The following UTP14C variants were observed in gnomAD, a reference collection of about 807,000 sequenced individuals.
The protein encoded by UTP14C is UTP14C small subunit processome component.
UTP14C carries 10 observed loss-of-function variants against 14.6 expected under a neutral mutation model. That is an observed-to-expected ratio of 0.68 (90% CI 0.42 to 1.16). The LOEUF (loss-of-function observed/expected upper bound fraction) is 1.16. UTP14C is among the 50% of genes most tolerant of loss of function. The pLI is 0.00. For synonymous variants in UTP14C, 315 were observed against 331.6 expected (o/e 0.95, Z 0.54); for missense variants, 818 against 890.8 (o/e 0.92, Z 1.04).
At chr13:52,025,982 G>A (rs1031413712) in intron 1 of UTP14C, among the ~76,000 whole-genome samples, 7 of 152,214 alleles carry the variant, frequency 4.6e-5, no homozygotes, top group Admixed American at 3.3e-4. Flanking sequence ...TCTGCTGAGC[G>A]CTTGGGTGGA....
chr13:52,025,120 A>C (rs1954228401), intron 1 of UTP14C, among the ~76,000 whole-genome samples, 183 bp downstream of exon 1: 1 of 152,218 alleles, frequency 6.6e-6, no homozygotes, highest in Non-Finnish European at 1.5e-5. Flanking sequence ...GCTAGTATTT[A>C]TTGACCAATT....
rs1163102617 is a variant in UTP14C, at chr13:52,031,101, T to G, written c.2297T>G (p.Leu766Arg). The G allele has an allele frequency of 6.2e-7, 1 of 1,603,018 alleles. No individual in the cohort carries two copies. The highest frequency in any genetic ancestry group is 8.5e-7 in the Non-Finnish European group (1 of 1,173,898). The change falls in exon 2 of 2, where the codon CTG (leucine) becomes CGG (arginine). Residue 766 changes from leucine (L) to arginine (R), a missense_variant. Leu to Arg is a moderately radical substitution (Grantham distance 102, BLOSUM62 -2). Transcript: ENST00000521776. The part of the protein sequence containing the change: ...ITTRHNKEEK[L>R] ...ACACGTCACAATAAAGAAGAAAAAC[T>G]GTAGGTTGTGTAGCTGGAGAAGTGA...
chr13:52,031,593 G>C lies in UTP14C; in HGVS notation c.*488G>C, dbSNP rs1954306089. 5.8e-6 allele frequency: 1 copy of C among 172,916 alleles called. No individual in the cohort carries two copies. Among genetic ancestry groups the C allele is most frequent in the Non-Finnish European group, 1.4e-5 (1 of 71,432 alleles). The allele number at this position is 172,916 out of a possible 1,614,324, so 10.7% of individuals were successfully genotyped here. A position where few individuals can be genotyped will look rare whatever the true frequency, so the allele number is the denominator to read the frequency against. ...CTTAACAGTGCCGCATCTCAGCCTGGAAGTCAGCTTTAAGTCATTCAAGAG... is the reference window on the plus strand; with the variant it reads ...CTTAACAGTGCCGCATCTCAGCCTGCAAGTCAGCTTTAAGTCATTCAAGAG... On this transcript the variant is annotated 3_prime_UTR_variant, in exon 2 of 2. Coordinates refer to ENST00000521776, the MANE Select transcript of UTP14C (RefSeq NM_021645.6).
chr13:52,026,106 G>A (rs534229780), intron 1 of UTP14C, among the ~76,000 whole-genome samples: 2 of 152,338 alleles, frequency 1.3e-5, no homozygotes, highest in East Asian at 3.9e-4. Context: ...CCGTGTGCCA[G>A]GTGCTATGCT....
At chr13:52,028,291 A>G in intron 1 of UTP14C, 28 bp from the exon 2 acceptor site, 1 of 1,614,050 alleles carries the variant, frequency 6.2e-7, no homozygotes, top group Non-Finnish European at 8.5e-7. Flanking sequence ...AACTTAAAAG[A>G]TTACATGATT....
At chr13:52,026,252 G>T (rs980074656) in intron 1 of UTP14C, among the ~76,000 whole-genome samples, 3 of 152,230 alleles carry the variant, frequency 2.0e-5, no homozygotes, top group African/African-American at 7.2e-5. Flanking sequence ...GGAGAGAGGG[G>T]AGAGTCTCCA....
At position 52,028,393 on chromosome 13, in the gene UTP14C, GTTCCTCACGAAGGAGATATA is replaced by G; in HGVS notation, c.-411_-392del. ...GGGGGGCCCAAAGCTTGACATTGTG[GTTCCTCACGAAGGAGATATA>G]ACTGGCTTTCTGGCTGAGAGTGAAG... On this transcript the variant is annotated 5_prime_UTR_variant, in exon 2 of 2. An upstream open reading frame in the 5' UTR gains an earlier in-frame stop. Coordinates refer to ENST00000521776, the MANE Select transcript of UTP14C (RefSeq NM_021645.6). The G allele has an allele frequency of 6.2e-7, 1 of 1,614,152 alleles. No individual in the cohort carries two copies. Among genetic ancestry groups the G allele is most frequent in the Non-Finnish European group, 8.5e-7 (1 of 1,180,028 alleles).
Position 52,028,911 on chromosome 13 carries a change from G to A in UTP14C, c.107G>A (p.Ser36Asn). The change falls in exon 2 of 2, where the codon AGT becomes AAT. Residue 36 changes from serine (S) to asparagine (N), a missense_variant. Physicochemically the swap from Ser to Asn is conservative, Grantham distance 46. Transcript: ENST00000521776. ...AGTGAAAATGAAGATGAGGGGGACA[G>A]TGATGGAGAGAGAAAGCATCAAAAG... ...PLSENEDEGDSDGERKHQKLL... is the reference protein window; with the variant it reads ...PLSENEDEGDNDGERKHQKLL... 1.9e-6 allele frequency: 3 copies of A among 1,614,256 alleles called. No individual in the cohort carries two copies. In the South Asian group the frequency reaches 3.3e-5, roughly 18 times the overall value.
In UTP14C at chr13:52,029,913, C is replaced by G. The variant is rs1373260811; in HGVS notation, c.1109C>G (p.Pro370Arg). The G allele has an allele frequency of 6.2e-7, 1 of 1,613,992 alleles. No homozygotes were observed. The highest frequency in any genetic ancestry group is 1.7e-5 in the Admixed American group (1 of 59,986). Residue 370 changes from proline (P) to arginine (R), a missense_variant, in exon 2 of 2, where the codon CCG becomes CGG. By Grantham distance (103) the Pro-to-Arg change is moderately radical. Transcript: ENST00000521776. ...ANEVQMNVDG[P>R]NPWMFRSCTS... ...GAAGTGCAGATGAATGTGGACGGAC[C>G]GAATCCCTGGATGTTCAGGAGCTGC...
Position 52,029,351 on chromosome 13 carries a change from CTGGAGCAGGAAA to C in UTP14C, c.549_560del (p.Glu184_Ile187del). 1 of 1,614,122 alleles carries C rather than the reference CTGGAGCAGGAAA, an allele frequency of 6.2e-7. No homozygotes were observed. Among genetic ancestry groups the C allele is most frequent in the Non-Finnish European group, 8.5e-7 (1 of 1,180,018 alleles). ...CAGTGGCTGGAAGGCAAGAACTCCCCTGGAGCAGGAAATTTTTAACCTCCTCCATAAGAACAA... is the reference window on the plus strand; with the variant it reads ...CAGTGGCTGGAAGGCAAGAACTCCCCTTTTTAACCTCCTCCATAAGAACAA... On this transcript the variant is annotated inframe_deletion, in exon 2 of 2. Coordinates refer to ENST00000521776, the MANE Select transcript of UTP14C (RefSeq NM_021645.6).
In UTP14C at chr13:52,033,555, A is replaced by G. The variant is rs1954327684; in HGVS notation, c.*2450A>G. Reference sequence around the variant, plus strand: ...TATTCCCAAGCTCCATATGCCAATTAAAGAAGAAACAAAAATAAAAGTTTG... The same window carrying G: ...TATTCCCAAGCTCCATATGCCAATTGAAGAAGAAACAAAAATAAAAGTTTG... On this transcript the variant is annotated 3_prime_UTR_variant, in exon 2 of 2. Transcript: ENST00000521776. The G allele has an allele frequency of 6.0e-6, 1 of 167,062 alleles. No homozygotes were observed. Among genetic ancestry groups the G allele is most frequent in the Non-Finnish European group, 1.5e-5 (1 of 68,114 alleles). The allele number at this position is 167,062 out of a possible 1,614,324, so 10.3% of individuals were successfully genotyped here.
rs760414709 is a variant in UTP14C, at chr13:52,030,146, G to T, written c.1342G>T (p.Asp448Tyr). The T allele has an allele frequency of 1.9e-6, 3 of 1,614,210 alleles. No homozygotes were observed. The South Asian group carries it at 3.3e-5, about 18-fold the overall frequency. ...GCCAGCAAGCAGTCAAGAAACAAAAGATTCTAGCAGCCAGGAGGTGCTGTC... is the reference window on the plus strand; with the variant it reads ...GCCAGCAAGCAGTCAAGAAACAAAATATTCTAGCAGCCAGGAGGTGCTGTC... Reference protein sequence around the residue: ...AEPASSQETKDSSSQEVLSEL... With the variant: ...AEPASSQETKYSSSQEVLSEL... The change falls in exon 2 of 2, where the codon GAT (aspartate) becomes TAT (tyrosine). Residue 448 changes from aspartate (D) to tyrosine (Y), a missense_variant. Transcript: ENST00000521776.
rs770888492 is a variant in UTP14C, at chr13:52,028,368, G to A, written c.-437G>A. On this transcript the variant is annotated 5_prime_UTR_variant, in exon 2 of 2. Coordinates refer to ENST00000521776, the MANE Select transcript of UTP14C (RefSeq NM_021645.6). The stretch of plus-strand genomic sequence containing the variant: ...GCACAATTATCCTTGCACACAATTC[G>A]GGGGGCCCAAAGCTTGACATTGTGG... 1.1e-5 allele frequency: 18 copies of A among 1,613,916 alleles called. No homozygotes were observed. Among genetic ancestry groups the A allele is most frequent in the Admixed American group, 5.0e-5 (3 of 59,980 alleles).
Position 52,031,136 on chromosome 13 carries a change from G to T in UTP14C, c.*31G>T, listed in dbSNP as rs376281471. 4 of 1,574,164 alleles carry T rather than the reference G, an allele frequency of 2.5e-6. No homozygotes were observed. The highest frequency in any genetic ancestry group is 3.4e-6 in the Non-Finnish European group (4 of 1,160,560). ...GTAGCTGGAGAAGTGACAGTCAGGG[G>T]CCCTGATTCCACTTCCTTTGGTCCA... On this transcript the variant is annotated 3_prime_UTR_variant, in exon 2 of 2. Coordinates refer to ENST00000521776, the MANE Select transcript of UTP14C (RefSeq NM_021645.6).
In UTP14C at chr13:52,033,358, A is replaced by G. The variant is rs1037187661; in HGVS notation, c.*2253A>G. The G allele has an allele frequency of 4.2e-5, 7 of 167,084 alleles. No homozygotes were observed. Among genetic ancestry groups the G allele is most frequent in the African/African-American group, 1.4e-4 (6 of 41,452 alleles). 10.4% of individuals were successfully genotyped at this position (167,084 alleles called of 1,614,324 possible). A position where few individuals can be genotyped will look rare whatever the true frequency, so the allele number is the denominator to read the frequency against. On this transcript the variant is annotated 3_prime_UTR_variant, in exon 2 of 2. Transcript: ENST00000521776. ...GTGTGTGTTACATAGGTTTTGTGTA[A>G]TAATTATTTGTAAATATTATTTAGA... is the stretch of plus-strand genomic sequence containing the variant.
At position 52,029,343 on chromosome 13, in the gene UTP14C, G is replaced by T; in HGVS notation, c.539G>T (p.Arg180Ile). The change falls in exon 2 of 2, where the codon AGA (arginine) becomes ATA (isoleucine). Residue 180 changes from arginine (R) to isoleucine (I), a missense_variant. Physicochemically the swap from Arg to Ile is moderately conservative, Grantham distance 97 (BLOSUM62 -3). Transcript: ENST00000521776. ...IEHALSGWKA[R>I]TPLEQEIFNL... ...CATGCGCTCAGTGGCTGGAAGGCAAGAACTCCCCTGGAGCAGGAAATTTTT... is the reference window on the plus strand; with the variant it reads ...CATGCGCTCAGTGGCTGGAAGGCAATAACTCCCCTGGAGCAGGAAATTTTT... 6.2e-7 allele frequency: 1 copy of T among 1,614,122 alleles called. No homozygotes were observed. The highest frequency in any genetic ancestry group is 8.5e-7 in the Non-Finnish European group (1 of 1,180,034).
rs1284672069 is a variant in UTP14C at position 52,024,941 on chromosome 13, AG to A, written c.-487+5del. ...TGGAACGAGCATTTTGGGATTGGTG[AG>A]TTTGGCCTTTAAACAACTTGTTTGG... is the stretch of plus-strand genomic sequence containing the variant. On this transcript the variant is annotated splice_donor_5th_base_variant and intron_variant, in intron 1 of 1. Transcript: ENST00000521776. 6.2e-7 allele frequency: 1 copy of A among 1,606,784 alleles called. No individual in the cohort carries two copies. The highest frequency in any genetic ancestry group is 2.2e-5 in the East Asian group (1 of 44,878).
Position 52,032,236 on chromosome 13 carries a change from GA to G in UTP14C, c.*1136del. ...ACTCCATCTCAAAAAAGAAAAAAAG[GA>G]AAAAGAAAATTATGAGAGTTACTTA... On this transcript the variant is annotated 3_prime_UTR_variant, in exon 2 of 2. Transcript: ENST00000521776. 6.1e-6 allele frequency: 1 copy of G among 163,412 alleles called. No individual in the cohort carries two copies. 10.1% of individuals were successfully genotyped at this position (163,412 alleles called of 1,614,324 possible).
rs1490088788 is a variant in UTP14C at position 52,032,876 on chromosome 13, G to GAATC, written c.*1774_*1777dup. Reference sequence around the variant, plus strand: ...AGTGTCACAAAGCTGTTTCATGAAAGAATCAAGATTATAACCTGGATATTC... The same window carrying GAATC: ...AGTGTCACAAAGCTGTTTCATGAAAGAATCAATCAAGATTATAACCTGGATATTC... On this transcript the variant is annotated 3_prime_UTR_variant, in exon 2 of 2. Transcript: ENST00000521776. 6.0e-6 allele frequency: 1 copy of GAATC among 166,996 alleles called. No homozygotes were observed. The highest frequency in any genetic ancestry group is 1.5e-5 in the Non-Finnish European group (1 of 68,106). 10.3% of individuals were successfully genotyped at this position (166,996 alleles called of 1,614,324 possible). A position where few individuals can be genotyped will look rare whatever the true frequency, so the allele number is the denominator to read the frequency against.
Sources: gnomAD v4.1 joint callset for allele counts (sites outside exome capture counted in the v4.1 genomes callset) on GRCh38, gnomAD v4.1.1 for gene constraint, MANE v1.5 for transcripts, NCBI Gene and HGNC (gene_info 2026-07-23, HGNC 2026-07-21) for gene names.